GART: variants seen among roughly 807,000 people sequenced by gnomAD.
The protein encoded by GART is trifunctional purine biosynthetic protein adenosine-3.
In GART, 43 loss-of-function variants were observed where a neutral mutation model predicts 107.2. The observed-to-expected ratio is 0.40, with a 90% CI of 0.31 to 0.52. The LOEUF (loss-of-function observed/expected upper bound fraction) is 0.52. Among genes scored for constraint, GART ranks in the 20% least tolerant of loss-of-function variants. The pLI, the probability that GART is intolerant of heterozygous loss-of-function variation, is 0.52. For synonymous variants in GART, 434 were observed against 427.0 expected (o/e 1.02, Z -0.20); for missense variants, 1,107 against 1,206.5 (o/e 0.92, Z 1.22).
At chr21:33,535,189 G>T in intron 3 of GART, 36 bp downstream of exon 3, 2 of 1,321,748 alleles carry the variant, frequency 1.5e-6, no homozygotes, top group Non-Finnish European at 2.1e-6. Flanking sequence ...TGTTTGCACT[G>T]AATATACTGT....
chr21:33,529,025 G>A (rs1412663656), intron 7 of GART, 88 bp from the exon 8 acceptor site: 1 of 796,362 alleles, frequency 1.3e-6, no homozygotes, highest in Non-Finnish European at 2.1e-6. Context: ...GGGATGATGA[G>A]GATAACTCAT....
At chr21:33,539,006 T>A (rs1256914165) in intron 2 of GART, among the ~76,000 whole-genome samples, 165 bp downstream of exon 2, 1 of 152,090 alleles carries the variant, frequency 6.6e-6, no homozygotes, top group Non-Finnish European at 1.5e-5. Context: ...GGTCTCCATC[T>A]CCTGACCTCA....
intron 14 of GART, among the ~76,000 whole-genome samples, chr21:33,519,792 C>T (rs1053661117): frequency 2.7e-5 from 4 of 150,918 alleles, no homozygotes; most frequent in African/African-American, 9.8e-5. Context: ...TGAACCACTG[C>T]ACTCCAACCT....
upstream of GART, chr21:33,542,808 A>G (rs925928999): frequency 1.9e-6 from 1 of 519,316 alleles, no homozygotes; most frequent in Non-Finnish European, 3.5e-6. Context: ...CGGTCGCCTC[A>G]AGAGAGACGG....
chr21:33,532,587 C>A, intron 4 of GART, 131 bp from the exon 5 acceptor site: 1 of 705,734 alleles, frequency 1.4e-6, no homozygotes, highest in South Asian at 1.7e-5. Context: ...AATTATCATT[C>A]CAACACATTT....
At chr21:33,504,663 A>G in intron 20 of GART, 136 bp from the exon 21 acceptor site, 1 of 658,582 alleles carries the variant, frequency 1.5e-6, no homozygotes, top group Non-Finnish European at 2.6e-6. Context: ...TGCCAAACAC[A>G]GAAATGAGGT....
At chr21:33,525,152 T>C (rs1386385407) in intron 10 of GART, 152 bp from the exon 11 acceptor site, 33 of 1,349,322 alleles carry the variant, frequency 2.4e-5, no homozygotes, top group Non-Finnish European at 3.1e-5. Flanking sequence ...TTTGGGAGGC[T>C]GAGGCAAGGA....
chr21:33,517,089 G>A lies in GART; in HGVS notation c.2007C>T (p.Val669=). ...AGGCTTTGACATGTCCTGAACGTAG[G>A]ACAGGTAACAGTGAATGGCTGTAGA... ...TRIYSHSLLP[V]LRSGHVKAFA... is the part of the protein sequence containing the mutation. Residue 669 remains valine, a synonymous_variant, in exon 16 of 22, where the codon GTC becomes GTT. Coordinates refer to ENST00000381815, the MANE Select transcript of GART (RefSeq NM_000819.5). 1 of 1,613,850 alleles carries A rather than the reference G, an allele frequency of 6.2e-7. No individual in the cohort carries two copies. The highest frequency in any genetic ancestry group is 8.5e-7 in the Non-Finnish European group (1 of 1,179,902).
chr21:33,508,208 G>A (rs1405533326), intron 18 of GART, among the ~76,000 whole-genome samples: 1 of 152,038 alleles, frequency 6.6e-6, no homozygotes, highest in East Asian at 1.9e-4. Context: ...TAGCATTGTA[G>A]TAGAAACAGT....
intron 16 of GART, among the ~76,000 whole-genome samples, chr21:33,514,200 TG>T (rs2084838050): frequency 1.3e-5 from 2 of 151,978 alleles, no homozygotes; most frequent in Non-Finnish European, 2.9e-5. Context: ...CCCAGGACGT[TG>T]GGGCAATAGT....
Position 33,516,204 on chromosome 21 carries a change from C to T in GART, c.2107+785G>A, listed in dbSNP as rs138416787. 3.5e-5 allele frequency among the ~76,000 whole-genome samples: 5 copies of T among 142,006 alleles called. No individual in the cohort carries two copies. The South Asian group carries it at 9.0e-4, about 25-fold the overall frequency. 93.2% of individuals were successfully genotyped at this position (142,006 alleles called of 152,430 possible). A position where few individuals can be genotyped will look rare whatever the true frequency, so the allele number is the denominator to read the frequency against. ...CAGAGTTTGCAGTGAGCTGAGATTG[C>T]GCCACTATACTCCAGCCTGGGCTAC... is the stretch of plus-strand genomic sequence containing the variant. On this transcript the variant is annotated intron_variant, in intron 16 of 21. Coordinates refer to ENST00000381815, the MANE Select transcript of GART (RefSeq NM_000819.5).
chr21:33,519,446 C>T (rs1026710081), intron 14 of GART, among the ~76,000 whole-genome samples: 9 of 150,714 alleles, frequency 6.0e-5, no homozygotes, highest in South Asian at 2.1e-4. Flanking sequence ...CCCAGCTACT[C>T]GGGAGGCTGA....
intron 10 of GART, 102 bp downstream of exon 10, chr21:33,528,065 T>G (rs1379670578): frequency 9.0e-7 from 1 of 1,106,668 alleles, no homozygotes; most frequent in African/African-American, 1.5e-5. Flanking sequence ...TTCTGATGGC[T>G]TCACACTCTT....
chr21:33,506,179 G>A, intron 18 of GART, 75 bp from the exon 19 acceptor site: 1 of 1,516,762 alleles, frequency 6.6e-7, no homozygotes, highest in Non-Finnish European at 8.9e-7. Context: ...GTCTCACTCT[G>A]TCGCCCAGGC....
At position 33,524,821 on chromosome 21, in the gene GART, T is replaced by C. The variant is rs777947607; in HGVS notation, c.1246A>G (p.Ile416Val). The C allele has an allele frequency of 1.8e-5, 29 of 1,614,138 alleles. No homozygotes were observed. The highest frequency in any genetic ancestry group is 2.7e-5 in the African/African-American group (2 of 74,948). Residue 416 changes from isoleucine (I) to valine (V), a missense_variant, in exon 11 of 22, where the codon ATT becomes GTT. Transcript: ENST00000381815. ...GLAAIKFEGA[I>V]YRKDVGFRAI... ...CGAAAGCCGACGTCTTTCCTATAAATTGCTCCCTCAAACTTTATAGCAGCT... is the reference window on the plus strand; with the variant it reads ...CGAAAGCCGACGTCTTTCCTATAAACTGCTCCCTCAAACTTTATAGCAGCT...
At chr21:33,531,443 A>T in intron 6 of GART, 46 bp downstream of exon 6, 1 of 1,543,824 alleles carries the variant, frequency 6.5e-7, no homozygotes, top group Admixed American at 1.8e-5. Flanking sequence ...AGGTCAGATG[A>T]CAGCTTCTTA....
At chr21:33,508,866 A>G (rs962141366) in intron 18 of GART, among the ~76,000 whole-genome samples, 2 of 152,120 alleles carry the variant, frequency 1.3e-5, no homozygotes, top group African/African-American at 2.4e-5. Context: ...GCTCCCACTC[A>G]TAAGTGAGAA....
rs2084640751 is a variant in GART, at chr21:33,504,250, G to A, written c.2907C>T (p.Val969=). The change falls in exon 22 of 22, where the codon GTC becomes GTT. Residue 969 remains valine (V), a synonymous_variant. Transcript: ENST00000381815. ...ATTTTACTCTTTCAGAAAGAGTTGC[G>A]ACAGTATCACCCCTCTTCACGGGAA... is the stretch of plus-strand genomic sequence containing the variant. ...EAVPVKRGDT[V]ATLSERVKLA... is the part of the protein sequence containing the mutation. 5.0e-6 allele frequency: 8 copies of A among 1,614,142 alleles called. No homozygotes were observed. The highest frequency in any genetic ancestry group is 1.7e-5 in the Admixed American group (1 of 60,018).
At chr21:33,532,318 T>C in intron 5 of GART, 27 bp downstream of exon 5, 2 of 1,529,712 alleles carry the variant, frequency 1.3e-6, no homozygotes. Context: ...AATAGAAAAG[T>C]AAATTTTTTC....
Sources: gnomAD v4.1 joint callset for allele counts (sites outside exome capture counted in the v4.1 genomes callset) on GRCh38, gnomAD v4.1.1 for gene constraint, MANE v1.5 for transcripts, NCBI Gene and HGNC (gene_info 2026-07-23, HGNC 2026-07-21) for gene names.